The following GRID2IP variants were observed in gnomAD, a reference collection of about 807,000 sequenced individuals.
GRID2IP encodes Grid2 interacting protein.
GRID2IP carries 78 observed loss-of-function variants against 114.3 expected under a neutral mutation model. That is an observed-to-expected ratio of 0.68 (90% CI 0.57 to 0.82). The LOEUF (loss-of-function observed/expected upper bound fraction) is 0.82, where lower values mean the gene tolerates loss of function less well. GRID2IP is among the 40% of genes least tolerant of loss of function. GRID2IP has a pLI of 0.00. For synonymous variants in GRID2IP, 809 were observed against 724.0 expected (o/e 1.12, Z -1.89); for missense variants, 1,727 against 1,678.5 (o/e 1.03, Z -0.51).
Position 6,551,096 on chromosome 7 carries a change from C to T in GRID2IP, c.341G>A (p.Gly114Asp), listed in dbSNP as rs1295477397. The change falls in exon 1 of 22, where the codon GGC (glycine) becomes GAC (aspartate). Residue 114 changes from glycine (G) to aspartate (D), a missense_variant. Gly to Asp is a moderately conservative substitution (Grantham distance 94). Transcript: ENST00000457091. ...GCCGGCCAGGCGAAGCAGCTCACGGCCCAGAGCTAGGCCGCGGCCGCACCG... is the reference window on the plus strand; with the variant it reads ...GCCGGCCAGGCGAAGCAGCTCACGGTCCAGAGCTAGGCCGCGGCCGCACCG... ...APRCGRGLAL[G>D]RELLRLAGRK... 7.6e-7 allele frequency: 1 copy of T among 1,314,546 alleles called. No homozygotes were observed. The allele number at this position is 1,314,546 out of a possible 1,614,324, so 81.4% of individuals were successfully genotyped here.
intron 2 of GRID2IP, among the ~76,000 whole-genome samples, chr7:6,527,530 A>C (rs1255188890): frequency 6.6e-6 from 1 of 152,190 alleles, no homozygotes; most frequent in African/African-American, 2.4e-5. Flanking sequence ...TGGAAGTGAG[A>C]GGCAGGGGGA....
rs1200250728 is a variant in GRID2IP, at chr7:6,508,284, T to C, written c.2245A>G (p.Ile749Val). The change falls in exon 13 of 22, where the codon ATC (isoleucine) becomes GTC (valine). Residue 749 changes from isoleucine (I) to valine (V), a missense_variant. Coordinates refer to ENST00000457091, the MANE Select transcript of GRID2IP (RefSeq NM_001145118.2). The surrounding 1 kb of genome is among the most constrained non-coding windows in gnomAD (Gnocchi z 5.6). ...GGGGGGCTGAGCGGGGGTGGGGGGA[T>C]GTGGTCAGAGATGGAGGAGTAGGTC... is the stretch of plus-strand genomic sequence containing the variant. ...SLTYSSISDH[I>V]PPPPLSPPPP... 2.6e-6 allele frequency: 4 copies of C among 1,543,076 alleles called. No homozygotes were observed. Among genetic ancestry groups the C allele is most frequent in the Non-Finnish European group, 3.5e-6 (4 of 1,142,546 alleles).
rs1202972741 is a variant in GRID2IP at position 6,506,677 on chromosome 7, A to T, written c.2545-770T>A. On this transcript the variant is annotated intron_variant, in intron 13 of 21. Transcript: ENST00000457091. This position sits in a 1 kb window ranked among gnomAD's most constrained non-coding sequence, Gnocchi z 5.2. The stretch of plus-strand genomic sequence containing the variant: ...CCTTATTTGTGCCCTTGTCTCACTG[A>T]GGTATTTTTTTTTTTTTTTTTTTAG... 1.5e-4 allele frequency among the ~76,000 whole-genome samples: 18 copies of T among 120,454 alleles called. No individual in the cohort carries two copies. Among genetic ancestry groups the T allele is most frequent in the Admixed American group, 1.0e-3 (12 of 11,976 alleles). The allele number at this position is 120,454 out of a possible 152,430, so 79.0% of individuals were successfully genotyped here. A position where few individuals can be genotyped will look rare whatever the true frequency, so the allele number is the denominator to read the frequency against.
At chr7:6,537,522 C>T (rs1300168845) in intron 2 of GRID2IP, among the ~76,000 whole-genome samples, 6 of 150,214 alleles carry the variant, frequency 4.0e-5, no homozygotes, top group African/African-American at 4.9e-5. Flanking sequence ...GGATTACAGG[C>T]GCCCGCCACC....
In GRID2IP at chr7:6,523,871, A is replaced by G. The variant is rs1779457848; in HGVS notation, c.920-1914T>C. On this transcript the variant is annotated intron_variant, in intron 4 of 21. Transcript: ENST00000457091. This position sits in a 1 kb window ranked among gnomAD's most constrained non-coding sequence, Gnocchi z 4.5. Reference sequence around the variant, plus strand: ...CTAGGCCAGGTATCTCTGGCTACACATGTGGGAGAGACTGGGAGATGGAGA... The same window carrying G: ...CTAGGCCAGGTATCTCTGGCTACACGTGTGGGAGAGACTGGGAGATGGAGA... Among the ~76,000 whole-genome samples the G allele has an allele frequency of 6.6e-6, 1 of 152,072 alleles. No individual in the cohort carries two copies.
rs1779728151 is a variant in GRID2IP, at chr7:6,536,613, G to A, written c.584+3105C>T. On this transcript the variant is annotated intron_variant, in intron 2 of 21. Transcript: ENST00000457091. This position sits in a 1 kb window ranked among gnomAD's most constrained non-coding sequence, Gnocchi z 5.3. ...GCCCGGCTGCCAGCAGCCGGGAGAC[G>A]AGCGAGCCAACTTCCTGGGGGACAG... 6.6e-6 allele frequency among the ~76,000 whole-genome samples: 1 copy of A among 151,942 alleles called. No individual in the cohort carries two copies. Among genetic ancestry groups the A allele is most frequent in the African/African-American group, 2.4e-5 (1 of 41,410 alleles).
Position 6,534,421 on chromosome 7 carries a change from C to T in GRID2IP, c.584+5297G>A, listed in dbSNP as rs1779689112. Among the ~76,000 whole-genome samples the T allele has an allele frequency of 6.6e-6, 1 of 152,198 alleles. No homozygotes were observed. ...AAAGCCATTTTCTCACTTCATCAGACCGGGGTCCCTTTGGGGAGAGACCCA... is the reference window on the plus strand; with the variant it reads ...AAAGCCATTTTCTCACTTCATCAGATCGGGGTCCCTTTGGGGAGAGACCCA... On this transcript the variant is annotated intron_variant, in intron 2 of 21. Transcript: ENST00000457091. This position sits in a 1 kb window ranked among gnomAD's most constrained non-coding sequence, Gnocchi z 4.5.
rs1450155348 is a variant in GRID2IP, at chr7:6,501,807, C to T, written c.3373G>A (p.Glu1125Lys). The part of the protein sequence containing the change: ...DACQSISPSS[E>K]DKFAMVMSSF... ...GACATGACCATTGCAAACTTGTCCTCGCTAGAGGGGGAAATGCTCTGGCAG... is the reference window on the plus strand; with the variant it reads ...GACATGACCATTGCAAACTTGTCCTTGCTAGAGGGGGAAATGCTCTGGCAG... The change falls in exon 20 of 22, where the codon GAG (glutamate) becomes AAG (lysine). Residue 1125 changes from glutamate (E) to lysine (K), a missense_variant. Coordinates refer to ENST00000457091, the MANE Select transcript of GRID2IP (RefSeq NM_001145118.2). The T allele has an allele frequency of 7.7e-6, 12 of 1,551,134 alleles. No homozygotes were observed. The highest frequency in any genetic ancestry group is 4.8e-5 in the South Asian group (4 of 84,060).
rs959929320 is a variant in GRID2IP at position 6,534,009 on chromosome 7, G to A, written c.584+5709C>T. On this transcript the variant is annotated intron_variant, in intron 2 of 21. Transcript: ENST00000457091. This position sits in a 1 kb window ranked among gnomAD's most constrained non-coding sequence, Gnocchi z 4.5. ...GGCACTGAAGCAGAAGAGGGTGACG[G>A]GGTGCAGATAGTCCCTCACAGGCCA... Among the ~76,000 whole-genome samples, 2 of 152,012 alleles carry A rather than the reference G, an allele frequency of 1.3e-5. No individual in the cohort carries two copies. Among genetic ancestry groups the A allele is most frequent in the African/African-American group, 4.8e-5 (2 of 41,368 alleles).
At chr7:6,529,955 C>T (rs1437342963) in intron 2 of GRID2IP, among the ~76,000 whole-genome samples, 15 of 97,230 alleles carry the variant, frequency 1.5e-4, no homozygotes, top group Admixed American at 1.5e-3. Flanking sequence ...CTCTCTCTCT[C>T]TCTCTCTTTT....
chr7:6,522,367 G>A (rs1377932684), intron 4 of GRID2IP, among the ~76,000 whole-genome samples: 1 of 152,120 alleles, frequency 6.6e-6, no homozygotes, highest in Non-Finnish European at 1.5e-5. Flanking sequence ...AGAAGAGGGA[G>A]GTCTGGAGGG....
Position 6,509,006 on chromosome 7 carries a change from C to T in GRID2IP, c.2079G>A (p.Arg693=), listed in dbSNP as rs896287102. 1.4e-5 allele frequency: 21 copies of T among 1,548,038 alleles called. No homozygotes were observed. In the Middle Eastern group the frequency reaches 5.1e-4, roughly 37 times the overall value. ...LDVLSEQLGP[R]VTIVDDFLTP... ...TCAGGAAATCATCCACGATGGTGAC[C>T]CGGGGGCCCAGCTGCTCGCTCAGCA... Residue 693 remains arginine (R), a synonymous_variant, in exon 12 of 22, where the codon CGG becomes CGA. Transcript: ENST00000457091. This position sits in a 1 kb window ranked among gnomAD's most constrained non-coding sequence, Gnocchi z 4.9.
intron 1 of GRID2IP, among the ~76,000 whole-genome samples, chr7:6,548,954 G>C (rs1333706185): frequency 6.6e-6 from 1 of 152,082 alleles, no homozygotes; most frequent in African/African-American, 2.4e-5. Context: ...GGTAGGGACT[G>C]AGTGTCTTGG....
Position 6,519,751 on chromosome 7 carries a change from C to T in GRID2IP, c.1268+827G>A, listed in dbSNP as rs1389379419. Among the ~76,000 whole-genome samples the T allele has an allele frequency of 6.6e-6, 1 of 151,884 alleles. No homozygotes were observed. On this transcript the variant is annotated intron_variant, in intron 7 of 21. Transcript: ENST00000457091. The surrounding 1 kb of genome is among the most constrained non-coding windows in gnomAD (Gnocchi z 4.1). The stretch of plus-strand genomic sequence containing the variant: ...CAGCCTGGGCAACGAGAGTGAAACA[C>T]CATCTCAAAAAACAAAAACAAAAAT...
Position 6,520,869 on chromosome 7 carries a change from G to A in GRID2IP, c.1085-108C>T, listed in dbSNP as rs888725701. The A allele has an allele frequency of 1.7e-5, 18 of 1,056,456 alleles. No homozygotes were observed. In the African/African-American group the frequency reaches 2.7e-4, roughly 16 times the overall value. The allele number at this position is 1,056,456 out of a possible 1,614,324, so 65.4% of individuals were successfully genotyped here. A position where few individuals can be genotyped will look rare whatever the true frequency, so the allele number is the denominator to read the frequency against. On this transcript the variant is annotated intron_variant, in intron 6 of 21. Coordinates refer to ENST00000457091, the MANE Select transcript of GRID2IP (RefSeq NM_001145118.2). This position sits in a 1 kb window ranked among gnomAD's most constrained non-coding sequence, Gnocchi z 4.6. ...AGACCTCCTGAGCTGGGGTGTGGCT[G>A]TCCAGTGCCATGCATGGGAAGGCAT...
Position 6,526,820 on chromosome 7 carries a change from T to C in GRID2IP, c.585-51A>G. 7.0e-7 allele frequency: 1 copy of C among 1,429,482 alleles called. No homozygotes were observed. Among genetic ancestry groups the C allele is most frequent in the East Asian group, 3.0e-5 (1 of 33,568 alleles). 88.5% of individuals were successfully genotyped at this position (1,429,482 alleles called of 1,614,324 possible). On this transcript the variant is annotated intron_variant, in intron 2 of 21. Transcript: ENST00000457091. This position sits in a 1 kb window ranked among gnomAD's most constrained non-coding sequence, Gnocchi z 7.6. ...GGCGCGTTCCCGGACCCCGGATCTC[T>C]GCAAACCGCGGCCCGAAGGCGCGTC...
intron 9 of GRID2IP, 61 bp downstream of exon 9, chr7:6,510,847 C>A: frequency 1.3e-6 from 2 of 1,517,806 alleles, no homozygotes; most frequent in Non-Finnish European, 8.9e-7. Flanking sequence ...CCTCACCAAG[C>A]CCATTTTGCA....
At position 6,510,928 on chromosome 7, in the gene GRID2IP, A is replaced by G. The variant is rs1779135864; in HGVS notation, c.1535T>C (p.Leu512Pro). 1.3e-6 allele frequency: 2 copies of G among 1,549,528 alleles called. No individual in the cohort carries two copies. The highest frequency in any genetic ancestry group is 8.7e-7 in the Non-Finnish European group (1 of 1,145,958). The change falls in exon 9 of 22, where the codon CTG (leucine) becomes CCG (proline). Residue 512 changes from leucine to proline, a missense_variant. Physicochemically the swap from Leu to Pro is moderately conservative, Grantham distance 98. Transcript: ENST00000457091. ...CTTACCGCAGCTGAGGCCGGCCTCCAGGCCCTGGGACCGGAGGCTGCGGCG... is the reference window on the plus strand; with the variant it reads ...CTTACCGCAGCTGAGGCCGGCCTCCGGGCCCTGGGACCGGAGGCTGCGGCG... Reference protein sequence around the residue: ...MCRRSLRSQGLEAGLSCGPSE... With the variant: ...MCRRSLRSQGPEAGLSCGPSE...
At chr7:6,537,370 CTT>C (rs772469574) in intron 2 of GRID2IP, among the ~76,000 whole-genome samples, 14,047 of 57,238 alleles carry the variant, frequency 0.25, 792 homozygotes, top group Non-Finnish European at 0.33. Context: ...ATGGTGAGAC[CTT>C]TTTTTTTTTT....
Sources: gnomAD v4.1 joint callset for allele counts (sites outside exome capture counted in the v4.1 genomes callset) on GRCh38, gnomAD v4.1.1 for gene constraint, Gnocchi (gnomAD v3.1) non-coding constraint, MANE v1.5 for transcripts, NCBI Gene and HGNC (gene_info 2026-07-23, HGNC 2026-07-21) for gene names.